IGBP1C: variants seen among roughly 807,000 people sequenced by gnomAD.
IGBP1C encodes immunoglobulin-binding protein 1 family member C.
At chr17:58,662,885 T>G in the IGBP1C span, among the ~76,000 whole-genome samples, 1 of 151,572 alleles carries the variant, frequency 6.6e-6, no homozygotes, top group African/African-American at 2.4e-5. Flanking sequence ...TTTGGAAGGC[T>G]GAGACGGGTG....
chr17:58,672,992 A>C, the IGBP1C span, among the ~76,000 whole-genome samples: 1 of 152,050 alleles, frequency 6.6e-6, no homozygotes, highest in East Asian at 1.9e-4. Flanking sequence ...TCGAACTCCC[A>C]AAGTGCTGGG....
At chr17:58,679,529 G>A in the IGBP1C span, 16 of 152,290 alleles carry the variant, frequency 1.1e-4, no homozygotes, top group Non-Finnish European at 2.1e-4. Context: ...GCCAGATCAG[G>A]GGAGAGAACC....
the IGBP1C span, among the ~76,000 whole-genome samples, chr17:58,664,886 G>T: frequency 2.8e-3 from 419 of 152,224 alleles, 6 homozygotes; most frequent in African/African-American, 9.7e-3. Flanking sequence ...AACAGATAAG[G>T]CCACCCTGGG....
chr17:58,687,233 A>G, the IGBP1C span, among the ~76,000 whole-genome samples: 4 of 152,050 alleles, frequency 2.6e-5, no homozygotes, highest in South Asian at 6.2e-4. Flanking sequence ...GCGGTCTTGC[A>G]AGCCTACTCT....
the IGBP1C span, among the ~76,000 whole-genome samples, chr17:58,684,673 AT>A: frequency 3.8e-4 from 54 of 140,916 alleles, no homozygotes; most frequent in African/African-American, 1.3e-3. Flanking sequence ...AAATAAATAA[AT>A]AAATAAAAAG....
At chr17:58,685,278 A>G in the IGBP1C span, among the ~76,000 whole-genome samples, 1 of 151,894 alleles carries the variant, frequency 6.6e-6, no homozygotes, top group African/African-American at 2.4e-5. Flanking sequence ...TACTAAAAAA[A>G]TACAAAAATT....
At chr17:58,667,515 T>C in the IGBP1C span, among the ~76,000 whole-genome samples, 4 of 152,210 alleles carry the variant, frequency 2.6e-5, no homozygotes, top group East Asian at 5.8e-4. Context: ...CTGGACTTTA[T>C]GGTTAATCCT....
At chr17:58,679,340 A>C in the IGBP1C span, among the ~76,000 whole-genome samples, 1 of 152,174 alleles carries the variant, frequency 6.6e-6, no homozygotes, top group African/African-American at 2.4e-5. Context: ...TTGTAATGGC[A>C]AATCACTGTA....
chr17:58,661,110 A>G, the IGBP1C span: 1 of 927,252 alleles, frequency 1.1e-6, no homozygotes, highest in South Asian at 1.3e-5. Context: ...TTCTGCTTGT[A>G]TCGCTCTATT....
the IGBP1C span, among the ~76,000 whole-genome samples, chr17:58,678,155 G>A: frequency 2.6e-5 from 4 of 151,624 alleles, no homozygotes; most frequent in African/African-American, 9.7e-5. Context: ...AACTCAAGGG[G>A]GAAAAAAAAG....
the IGBP1C span, among the ~76,000 whole-genome samples, chr17:58,672,863 C>A: frequency 1.3e-5 from 2 of 151,700 alleles, no homozygotes; most frequent in East Asian, 3.9e-4. Flanking sequence ...TCCTGAGTAG[C>A]TGGGATTACA....
chr17:58,663,537 G>C, the IGBP1C span, among the ~76,000 whole-genome samples: 2 of 151,186 alleles, frequency 1.3e-5, no homozygotes, highest in Non-Finnish European at 2.9e-5. Flanking sequence ...CATGATCTTG[G>C]CTCACGGCAA....
chr17:58,686,072 G>A, the IGBP1C span, among the ~76,000 whole-genome samples: 2 of 145,758 alleles, frequency 1.4e-5, no homozygotes, highest in Non-Finnish European at 3.1e-5. Flanking sequence ...CATGCCAGGA[G>A]GATCATGGTG....
the IGBP1C span, chr17:58,661,589 G>A: frequency 2.8e-6 from 2 of 725,998 alleles, 1 homozygote; most frequent in South Asian, 3.0e-5. Flanking sequence ...CTCGTCTTCA[G>A]CAGCTGCCAT....
chr17:58,679,678 G>C, the IGBP1C span: 2 of 152,246 alleles, frequency 1.3e-5, no homozygotes, highest in Admixed American at 1.3e-4. Context: ...TATTTCCCTT[G>C]CCAGTTAAGT....
chr17:58,682,948 G>A, the IGBP1C span, among the ~76,000 whole-genome samples: 1 of 151,754 alleles, frequency 6.6e-6, no homozygotes. Flanking sequence ...AGCTGGATGC[G>A]GTGGCTAACA....
the IGBP1C span, chr17:58,691,864 C>A: frequency 6.6e-6 from 1 of 152,210 alleles, no homozygotes; most frequent in Non-Finnish European, 1.5e-5. Flanking sequence ...ACAAAAGGAG[C>A]TCTTGTGTAG....
At chr17:58,667,958 C>G in the IGBP1C span, among the ~76,000 whole-genome samples, 16 of 151,842 alleles carry the variant, frequency 1.1e-4, no homozygotes, top group African/African-American at 3.9e-4. Context: ...GCTTCTGAAC[C>G]TTCTCATAGG....
the IGBP1C span, chr17:58,677,428 C>G: frequency 6.6e-6 from 1 of 152,162 alleles, no homozygotes; most frequent in African/African-American, 2.4e-5. Flanking sequence ...ACCAAGGAAG[C>G]CTGTTACTAT....
Sources: gnomAD v4.1 joint callset for allele counts (sites outside exome capture counted in the v4.1 genomes callset) on GRCh38, gnomAD v4.1.1 for gene constraint, MANE v1.5 for transcripts, NCBI Gene and HGNC (gene_info 2026-07-23, HGNC 2026-07-21) for gene names.